RARB: variants seen among roughly 807,000 people sequenced by gnomAD.
The protein encoded by RARB is retinoic acid receptor beta, also known as HBV-activated protein.
Under a neutral mutation model 51.9 loss-of-function variants are expected in RARB, and 17 were observed. The ratio of observed to expected loss-of-function variants is 0.33; its 90% confidence interval spans 0.22 to 0.49. The LOEUF is 0.49. Among genes scored for constraint, RARB ranks in the 20% least tolerant of loss-of-function variants. RARB has a pLI of 0.99. For missense variants in RARB, 369 were observed against 550.8 expected (o/e 0.67, Z 3.30); for synonymous variants, 215 against 195.4 (o/e 1.10, Z -0.84).
chr3:25,013,282 T>G (rs1697436699), intron 2 of RARB, among the ~76,000 whole-genome samples: 1 of 152,104 alleles, frequency 6.6e-6, no homozygotes, highest in Non-Finnish European at 1.5e-5. Flanking sequence ...CAGACCCTTA[T>G]GTCAACCTGG....
At position 25,300,802 on chromosome 3, in the gene RARB, C is replaced by T. The variant is rs955140806; in HGVS notation, c.178+126227C>T. On this transcript the variant is annotated intron_variant, in intron 5 of 11. Coordinates refer to the RARB transcript ENST00000383772. ...CTCAGGAGTTTGCGACCAGCCTGGG[C>T]AACATGGTGAAACCCTATCTCTACT... Among the ~76,000 whole-genome samples the T allele has an allele frequency of 3.3e-5, 5 of 151,896 alleles. No homozygotes were observed. In the East Asian group the frequency reaches 9.7e-4, roughly 29 times the overall value.
intron 2 of RARB, among the ~76,000 whole-genome samples, chr3:25,027,663 C>T (rs1415984165): frequency 6.9e-6 from 1 of 145,148 alleles, no homozygotes; most frequent in Admixed American, 7.1e-5. Flanking sequence ...GTTAGCAAGA[C>T]CATAAAAGAG....
intron 2 of RARB, among the ~76,000 whole-genome samples, chr3:24,866,571 A>T (rs1702852244): frequency 6.6e-6 from 1 of 152,052 alleles, no homozygotes; most frequent in East Asian, 1.9e-4. Context: ...CAGAATCAGC[A>T]AGAGAAGGGA....
At chr3:25,568,403 C>T (rs2125283250) in intron 3 of RARB, among the ~76,000 whole-genome samples, 1 of 152,242 alleles carries the variant, frequency 6.6e-6, no homozygotes, top group South Asian at 2.1e-4. Context: ...GTTCAAGGGA[C>T]TCAAAAAAAT....
chr3:25,323,324 G>A (rs1704624867), intron 5 of RARB, among the ~76,000 whole-genome samples: 1 of 152,154 alleles, frequency 6.6e-6, no homozygotes, highest in Admixed American at 6.5e-5. Flanking sequence ...AAGGACATGT[G>A]GGATAAGAGC....
At chr3:24,906,759 C>G (rs914678396) in intron 2 of RARB, among the ~76,000 whole-genome samples, 10 of 146,338 alleles carry the variant, frequency 6.8e-5, no homozygotes, top group Admixed American at 4.2e-4. Flanking sequence ...GAAGGGAAAT[C>G]GCTTGAACCT....
At position 24,902,411 on chromosome 3, in the gene RARB, T is replaced by C. The variant is rs9310764; in HGVS notation, c.-380+43659T>C. Among the ~76,000 whole-genome samples, 954 of 152,198 alleles carry C rather than the reference T, an allele frequency of 6.3e-3. 10 individuals carry two copies. The highest frequency in any genetic ancestry group is 0.022 in the African/African-American group (899 of 41,488). On this transcript the variant is annotated intron_variant, in intron 2 of 11. Transcript: ENST00000383772. ...CCTCAGTTGACACCAGGTTTTTTTT[T>C]CCCACTTTTTGTCCACCCTACAGAA...
intron 5 of RARB, among the ~76,000 whole-genome samples, chr3:25,345,099 T>A (rs115247796): frequency 4.7e-4 from 71 of 152,314 alleles, no homozygotes; most frequent in African/African-American, 1.6e-3. Context: ...GTAGAAAATA[T>A]CTGTGGGTGT....
chr3:25,539,161 C>T (rs1011081113), intron 3 of RARB, among the ~76,000 whole-genome samples: 2 of 152,150 alleles, frequency 1.3e-5, no homozygotes, highest in African/African-American at 4.8e-5. Context: ...ATGGTAACTG[C>T]ATAGAACTTT....
intron 5 of RARB, among the ~76,000 whole-genome samples, chr3:25,297,531 A>G (rs1311025534): frequency 6.7e-6 from 1 of 148,684 alleles, no homozygotes; most frequent in Non-Finnish European, 1.5e-5. Flanking sequence ...CATAAGAATC[A>G]TGGTTTGTTT....
chr3:25,367,030 A>T (rs967810058), intron 5 of RARB, among the ~76,000 whole-genome samples: 4 of 152,162 alleles, frequency 2.6e-5, no homozygotes, highest in African/African-American at 9.7e-5. Context: ...AGCCTGTCTC[A>T]TACCCTCCTT....
chr3:25,349,825 A>C (rs1705505516), intron 5 of RARB, among the ~76,000 whole-genome samples: 1 of 152,204 alleles, frequency 6.6e-6, no homozygotes, highest in Non-Finnish European at 1.5e-5. Flanking sequence ...TTCTTTGCTC[A>C]TGAGTCTACA....
intron 2 of RARB, among the ~76,000 whole-genome samples, chr3:24,908,697 A>G (rs59436851): frequency 0.065 from 8,475 of 130,558 alleles, 530 homozygotes; most frequent in East Asian, 0.17. Flanking sequence ...TTACTAACCT[A>G]CAGTTAATTC....
intron 5 of RARB, among the ~76,000 whole-genome samples, chr3:25,409,501 C>A (rs1707502148): frequency 6.6e-6 from 1 of 152,128 alleles, no homozygotes; most frequent in South Asian, 2.1e-4. Context: ...GTGTAAGAAC[C>A]TTCTCCGGTC....
intron 3 of RARB, among the ~76,000 whole-genome samples, chr3:25,097,166 A>G (rs1480484631): frequency 2.0e-5 from 3 of 152,208 alleles, no homozygotes; most frequent in African/African-American, 7.2e-5. Context: ...ACTTTGTGCC[A>G]TGAATGAAAG....
At chr3:24,845,011 C>T (rs188967292) in intron 1 of RARB, among the ~76,000 whole-genome samples, 20 of 152,308 alleles carry the variant, frequency 1.3e-4, no homozygotes, top group Admixed American at 5.9e-4. Context: ...TTATTCTATT[C>T]AACAATCAAA....
intron 2 of RARB, among the ~76,000 whole-genome samples, chr3:25,500,141 A>G (rs1025961393): frequency 6.6e-6 from 1 of 152,248 alleles, no homozygotes; most frequent in African/African-American, 2.4e-5. Context: ...GCTATGGGCC[A>G]GATGTGGCTC....
At chr3:25,309,264 A>G (rs1017735975) in intron 5 of RARB, among the ~76,000 whole-genome samples, 2 of 146,560 alleles carry the variant, frequency 1.4e-5, no homozygotes, top group Non-Finnish European at 3.0e-5. Flanking sequence ...CCTCAGCCTC[A>G]ACTGAGACTA....
intron 3 of RARB, among the ~76,000 whole-genome samples, chr3:25,094,712 A>G (rs1300531567): frequency 1.3e-5 from 1 of 76,490 alleles, no homozygotes; most frequent in Admixed American, 2.0e-4. Context: ...GTGAGACCCC[A>G]TCTCAAAAAA....
Sources: gnomAD v4.1 joint callset for allele counts (sites outside exome capture counted in the v4.1 genomes callset) on GRCh38, gnomAD v4.1.1 for gene constraint, MANE v1.5 for transcripts, NCBI Gene and HGNC (gene_info 2026-07-23, HGNC 2026-07-21) for gene names.